TACC2: variants seen among roughly 807,000 people sequenced by gnomAD.
TACC2 encodes the protein transforming acidic coiled-coil containing protein 2, also known as transforming acidic coiled-coil-containing protein 2.
Under a neutral mutation model 227.3 loss-of-function variants are expected in TACC2, and 137 were observed. That is an observed-to-expected ratio of 0.60 (90% CI 0.52 to 0.69). The LOEUF (loss-of-function observed/expected upper bound fraction) is 0.69, where lower values mean the gene tolerates loss of function less well. Ranked by LOEUF, TACC2 falls within the 30% of genes least tolerant of loss-of-function variation. The pLI, the probability that TACC2 is intolerant of heterozygous loss-of-function variation, is 0.00. For synonymous variants in TACC2, 1,523 were observed against 1,487.5 expected (o/e 1.02, Z -0.55); for missense variants, 3,470 against 3,694.4 (o/e 0.94, Z 1.57).
intron 3 of TACC2, among the ~76,000 whole-genome samples, chr10:122,062,260 C>T (rs1207210115): frequency 1.3e-5 from 2 of 152,010 alleles, no homozygotes; most frequent in South Asian, 2.1e-4. Flanking sequence ...GTCTCAATCT[C>T]CTGACCTTGT....
chr10:122,162,272 C>T (rs963165760), intron 7 of TACC2, among the ~76,000 whole-genome samples: 1 of 152,194 alleles, frequency 6.6e-6, no homozygotes, highest in Non-Finnish European at 1.5e-5. Context: ...ACTGTGACCT[C>T]GAGTGTCAGT....
At chr10:122,068,612 G>A (rs564263170) in intron 3 of TACC2, among the ~76,000 whole-genome samples, 26 of 151,942 alleles carry the variant, frequency 1.7e-4, no homozygotes, top group Non-Finnish European at 3.5e-4. Context: ...CACTCTGGCC[G>A]GTGGGAACAG....
intron 16 of TACC2, among the ~76,000 whole-genome samples, chr10:122,235,178 C>T (rs1049229404): frequency 6.6e-6 from 1 of 152,208 alleles, no homozygotes; most frequent in African/African-American, 2.4e-5. Context: ...CCTTTGCCTC[C>T]TGGGTTTCAA....
At chr10:122,189,423 T>C (rs1481957804) in intron 7 of TACC2, among the ~76,000 whole-genome samples, 2 of 152,162 alleles carry the variant, frequency 1.3e-5, no homozygotes, top group Non-Finnish European at 2.9e-5. Context: ...GCCTGGACAA[T>C]GCTGGCTGGC....
intron 2 of TACC2, among the ~76,000 whole-genome samples, chr10:122,040,986 G>A (rs1018695800): frequency 7.9e-5 from 12 of 152,270 alleles, no homozygotes; most frequent in East Asian, 5.8e-4. Flanking sequence ...CCTGCTCTGC[G>A]TACAAGATGT....
At chr10:122,203,964 C>T (rs1423390194) in intron 8 of TACC2, among the ~76,000 whole-genome samples, 1 of 151,686 alleles carries the variant, frequency 6.6e-6, no homozygotes, top group African/African-American at 2.4e-5. Flanking sequence ...GAGACCAGCC[C>T]GGCCAACACA....
At chr10:122,072,633 TA>T (rs2078211435) in intron 3 of TACC2, among the ~76,000 whole-genome samples, 1 of 152,236 alleles carries the variant, frequency 6.6e-6, no homozygotes, top group Non-Finnish European at 1.5e-5. Flanking sequence ...AGTTAGAATA[TA>T]AATTCCTTTT....
intron 2 of TACC2, chr10:122,033,205 C>T (rs781429159): frequency 1.2e-5 from 14 of 1,194,218 alleles, no homozygotes; most frequent in South Asian, 1.1e-4. Flanking sequence ...CCCTTCCTAA[C>T]GTCTAGATGG....
intron 11 of TACC2, among the ~76,000 whole-genome samples, chr10:122,222,825 G>T (rs1232131695): frequency 6.6e-6 from 1 of 152,208 alleles, no homozygotes; most frequent in Admixed American, 6.5e-5. Context: ...TGTGCTTAGA[G>T]ATTTCTGTTA....
chr10:122,249,250 G>C, intron 21 of TACC2, 94 bp downstream of exon 21: 1 of 920,514 alleles, frequency 1.1e-6, no homozygotes. Flanking sequence ...TGTGACATTG[G>C]CTTGGAAAGG....
At position 122,083,060 on chromosome 10, in the gene TACC2, C is replaced by T. The variant is rs756620419; in HGVS notation, c.560C>T (p.Ser187Phe). The T allele has an allele frequency of 6.2e-7, 1 of 1,612,666 alleles. No homozygotes were observed. Among genetic ancestry groups the T allele is most frequent in the South Asian group, 1.1e-5 (1 of 91,078 alleles). Reference protein sequence around the residue: ...RQPKEEGQKSSFSFSSGIDQS... With the variant: ...RQPKEEGQKSFFSFSSGIDQS... ...CCGAAGGAAGAAGGACAGAAGTCCT[C>T]CTTCTCCTTCTCCAGTGGCATCGAC... is the stretch of plus-strand genomic sequence containing the variant. Residue 187 changes from serine (S) to phenylalanine (F), a missense_variant, in exon 4 of 23, where the codon TCC (serine) becomes TTC (phenylalanine). Coordinates refer to ENST00000369005, the MANE Select transcript of TACC2 (RefSeq NM_206862.4).
intron 7 of TACC2, among the ~76,000 whole-genome samples, chr10:122,160,388 C>T (rs1184746985): frequency 6.6e-6 from 1 of 152,088 alleles, no homozygotes; most frequent in Non-Finnish European, 1.5e-5. Flanking sequence ...CCCTGGATGG[C>T]TTAAATAGAA....
chr10:122,014,665 G>A (rs1476774488), intron 1 of TACC2, among the ~76,000 whole-genome samples: 1 of 152,186 alleles, frequency 6.6e-6, no homozygotes, highest in African/African-American at 2.4e-5. Context: ...CAGTCTTGCT[G>A]CTGTGTTGGT....
At chr10:122,125,570 T>C (rs1367646184) in intron 5 of TACC2, among the ~76,000 whole-genome samples, 4 of 152,236 alleles carry the variant, frequency 2.6e-5, no homozygotes, top group East Asian at 1.9e-4. Flanking sequence ...AGTTTCTTCA[T>C]GGCTAGACCC....
At chr10:122,159,680 G>A (rs996208979) in intron 7 of TACC2, among the ~76,000 whole-genome samples, 1 of 152,128 alleles carries the variant, frequency 6.6e-6, no homozygotes, top group African/African-American at 2.4e-5. Flanking sequence ...GCCTCCCTCT[G>A]CTCGCCACCA....
At chr10:122,124,810 CAT>C (rs1462902172) in intron 5 of TACC2, among the ~76,000 whole-genome samples, 4 of 152,324 alleles carry the variant, frequency 2.6e-5, no homozygotes, top group East Asian at 1.9e-4. Context: ...CATTTTATCA[CAT>C]GTGCTGTGAC....
Position 122,030,237 on chromosome 10 carries a change from G to A in TACC2, c.33+8223G>A, listed in dbSNP as rs184850388. Among the ~76,000 whole-genome samples the A allele has an allele frequency of 4.1e-3, 618 of 152,222 alleles. 3 individuals are homozygous for A. Among genetic ancestry groups the A allele is most frequent in the Middle Eastern group, 0.01 (3 of 294 alleles). On this transcript the variant is annotated intron_variant, in intron 2 of 22. Coordinates refer to ENST00000369005, the MANE Select transcript of TACC2 (RefSeq NM_206862.4). ...GAATTTCTACCTGAATATAGGCAAC[G>A]TTGAAAATGGGTTACATTTTTCTCC...
rs756607567 is a variant in TACC2 at position 122,210,983 on chromosome 10, C to A, written c.6558C>A (p.Ala2186=). ...ESAKTEGPSP[A]LLEETPLEPA... ...CCAAGACGGAAGGTCCTAGCCCAGC[C>A]TTATTGGAGGAGACGCCCCTTGAGC... Residue 2186 remains alanine (A), a synonymous_variant, in exon 9 of 23, where the codon GCC becomes GCA. Transcript: ENST00000369005. The surrounding 1 kb of genome is among the most constrained non-coding windows in gnomAD (Gnocchi z 4.6). The A allele has an allele frequency of 5.0e-6, 8 of 1,613,236 alleles. No homozygotes were observed. The African/African-American group carries it at 1.1e-4, about 22-fold the overall frequency.
intron 7 of TACC2, among the ~76,000 whole-genome samples, chr10:122,190,664 T>G (rs1025727788): frequency 2.0e-5 from 3 of 152,080 alleles, no homozygotes; most frequent in Non-Finnish European, 1.5e-5. Context: ...TTATTAAAAA[T>G]TATTGCATGA....
Sources: allele counts gnomAD v4.1 joint callset (sites outside exome capture counted in the v4.1 genomes callset), GRCh38; gene constraint gnomAD v4.1.1; non-coding constraint Gnocchi (gnomAD v3.1); transcripts MANE v1.5; gene names NCBI Gene and HGNC (gene_info 2026-07-23, HGNC 2026-07-21).